Variants in CEP192 observed in about 807,000 individuals in gnomAD.
The protein encoded by CEP192 is centrosomal protein 192, also known as centrosomal protein of 192 kDa.
A neutral mutation model predicts 271.8 loss-of-function variants in CEP192; 151 were observed. The ratio of observed to expected loss-of-function variants is 0.56; its 90% confidence interval spans 0.49 to 0.64. The LOEUF is 0.64. CEP192 is among the 30% of genes least tolerant of loss of function. The pLI, the probability that CEP192 is intolerant of heterozygous loss-of-function variation, is 0.00. For missense variants in CEP192, 2,910 were observed against 3,020.5 expected, an observed-to-expected ratio of 0.96 and a Z score of 0.86; for synonymous variants, 995 against 1,076.5, an observed-to-expected ratio of 0.92 and a Z score of 1.48.
At chr18:13,110,938 G>C (rs2040181487) in intron 40 of CEP192, among the ~76,000 whole-genome samples, 1 of 152,206 alleles carries the variant, frequency 6.6e-6, no homozygotes, top group Non-Finnish European at 1.5e-5. Context: ...TCTTCCACCT[G>C]CCTCTTCTAG....
In CEP192 at chr18:13,029,696, C is replaced by T. The variant is rs569747649; in HGVS notation, c.1084C>T (p.Leu362Phe). The T allele has an allele frequency of 3.2e-6, 5 of 1,548,228 alleles. No individual in the cohort carries two copies. In the South Asian group the frequency reaches 3.6e-5, roughly 11 times the overall value. Residue 362 changes from leucine (L) to phenylalanine (F), a missense_variant, in exon 10 of 45, where the codon CTC (leucine) becomes TTC (phenylalanine). Coordinates refer to ENST00000506447, the MANE Select transcript of CEP192 (RefSeq NM_032142.4). ...CASKDVLVKT[L>F]RAIDVKLNSD... ...AAGTAAAGATGTTCTGGTGAAGACC[C>T]TCAGGGCTATTGATGTGAAACTTAA...
At chr18:13,035,416 A>C (rs916418422) in intron 11 of CEP192, among the ~76,000 whole-genome samples, 10 of 152,206 alleles carry the variant, frequency 6.6e-5, no homozygotes, top group African/African-American at 2.4e-4. Context: ...TGGCGGCAGC[A>C]AGAGAAAAAA....
chr18:13,116,532 GGAAAAAT>G (rs1279033523), intron 43 of CEP192, 29 bp downstream of exon 43: 1 of 1,561,058 alleles, frequency 6.4e-7, no homozygotes, highest in Non-Finnish European at 8.7e-7. Flanking sequence ...TATGGGTTTT[GGAAAAAT>G]ACATGCATTC....
intron 21 of CEP192, among the ~76,000 whole-genome samples, chr18:13,059,932 CTGCT>C (rs1258115973): frequency 1.3e-5 from 2 of 152,172 alleles, no homozygotes; most frequent in Non-Finnish European, 2.9e-5. Flanking sequence ...TTAACAACCA[CTGCT>C]TTACAAGAGC....
intron 9 of CEP192, among the ~76,000 whole-genome samples, chr18:13,025,949 C>G (rs1213634081): frequency 6.6e-6 from 1 of 152,156 alleles, no homozygotes; most frequent in Non-Finnish European, 1.5e-5. Context: ...CTTATTCTGT[C>G]TTTGATGCTC....
At chr18:13,041,668 G>A (rs576076059) in intron 14 of CEP192, among the ~76,000 whole-genome samples, 9 of 150,812 alleles carry the variant, frequency 6.0e-5, no homozygotes, top group African/African-American at 2.2e-4. Context: ...TGGGTCAAGC[G>A]ATTCTCCCAC....
chr18:13,098,340 G>C (rs1300507093), intron 36 of CEP192, among the ~76,000 whole-genome samples: 2 of 152,024 alleles, frequency 1.3e-5, no homozygotes, highest in Non-Finnish European at 2.9e-5. Flanking sequence ...CCTCCCTCCC[G>C]GACAGGGTGG....
chr18:13,103,578 C>G lies in CEP192; in HGVS notation c.6941C>G (p.Pro2314Arg). 6.2e-7 allele frequency: 1 copy of G among 1,612,840 alleles called. No individual in the cohort carries two copies. The highest frequency in any genetic ancestry group is 8.5e-7 in the Non-Finnish European group (1 of 1,178,878). Residue 2314 changes from proline to arginine, a missense_variant, in exon 39 of 45, where the codon CCT becomes CGT. Physicochemically the swap from Pro to Arg is moderately radical, Grantham distance 103. Coordinates refer to ENST00000506447, the MANE Select transcript of CEP192 (RefSeq NM_032142.4). Reference protein sequence around the residue: ...VKWHLSSLAPPYVKGVDESGD... With the variant: ...VKWHLSSLAPRYVKGVDESGD... ...TGGCATCTGTCATCTTTAGCGCCAC[C>G]TTATGTCAAGGTCAGTCATGACTGC...
chr18:13,101,438 T>C (rs2039700294), intron 38 of CEP192, among the ~76,000 whole-genome samples: 1 of 152,172 alleles, frequency 6.6e-6, no homozygotes, highest in Admixed American at 6.5e-5. Flanking sequence ...TGGTGATATA[T>C]GTACAGCAGT....
In CEP192 at chr18:13,056,519, T is replaced by C; in HGVS notation, c.3929T>C (p.Val1310Ala). ...AGEPVQNSVA[V>A]GICLGSNIGS... ...GAGCCTGTGCAGAACTCTGTGGCTG[T>C]GGGAATTTGTCTAGGATCAAATATC... Residue 1310 changes from valine to alanine, a missense_variant, in exon 19 of 45, where the codon GTG (valine) becomes GCG (alanine). Transcript: ENST00000506447. 2 of 1,614,148 alleles carry C rather than the reference T, an allele frequency of 1.2e-6. No homozygotes were observed. The highest frequency in any genetic ancestry group is 4.5e-5 in the East Asian group (2 of 44,870).
chr18:13,012,080 A>G (rs2034393394), intron 4 of CEP192, among the ~76,000 whole-genome samples: 1 of 152,228 alleles, frequency 6.6e-6, no homozygotes, highest in Non-Finnish European at 1.5e-5. Context: ...CTGTTTATCC[A>G]TAGGGAAATC....
At position 13,113,733 on chromosome 18, in the gene CEP192, T is replaced by G. The variant is rs1447442114; in HGVS notation, c.7167+28T>G. The G allele has an allele frequency of 3.2e-6, 5 of 1,564,300 alleles. No homozygotes were observed. In the African/African-American group the frequency reaches 4.1e-5, roughly 13 times the overall value. On this transcript the variant is annotated intron_variant, in intron 41 of 44. Transcript: ENST00000506447. ...GAGTAGTACACTGAATTTAAGTAAA[T>G]TATTGTATGTATTTTAAAAACAGAA...
chr18:13,016,252 T>C (rs979750471), intron 6 of CEP192, among the ~76,000 whole-genome samples: 1 of 151,918 alleles, frequency 6.6e-6, no homozygotes, highest in Non-Finnish European at 1.5e-5. Flanking sequence ...GCCTTAGATA[T>C]GGGAGGAGGA....
intron 30 of CEP192, among the ~76,000 whole-genome samples, chr18:13,078,397 G>A (rs545783607): frequency 6.6e-6 from 1 of 152,174 alleles, no homozygotes; most frequent in Non-Finnish European, 1.5e-5. Context: ...AAACATATGT[G>A]TGCATGTGTC....
At chr18:13,004,872 G>C (rs2033881961) in intron 3 of CEP192, among the ~76,000 whole-genome samples, 1 of 152,136 alleles carries the variant, frequency 6.6e-6, no homozygotes, top group African/African-American at 2.4e-5. Context: ...TTTATAAAGG[G>C]AGTGAGGGAC....
chr18:13,083,963 A>C (rs1368131674), intron 30 of CEP192, among the ~76,000 whole-genome samples: 2 of 152,086 alleles, frequency 1.3e-5, no homozygotes, highest in Non-Finnish European at 2.9e-5. Context: ...CAGAACGGCA[A>C]ATATTGCTGC....
intron 7 of CEP192, 90 bp from the exon 8 acceptor site, chr18:13,018,390 C>A: frequency 1.4e-6 from 1 of 736,098 alleles, no homozygotes; most frequent in South Asian, 2.7e-5. Context: ...CACTTATTTT[C>A]TGGCATCCTT....
intron 30 of CEP192, 129 bp downstream of exon 30, chr18:13,073,314 A>G (rs572195662): frequency 1.7e-5 from 14 of 813,332 alleles, no homozygotes; most frequent in African/African-American, 3.5e-5. Context: ...ACTTACAAAC[A>G]AGTTAGGGAG....
intron 3 of CEP192, among the ~76,000 whole-genome samples, chr18:13,006,086 CT>C (rs771023674): frequency 8.6e-5 from 13 of 152,018 alleles, no homozygotes; most frequent in Non-Finnish European, 1.2e-4. Flanking sequence ...GGTTTTTCTT[CT>C]AGTTTTTCCT....
Sources: allele counts gnomAD v4.1 joint callset (sites outside exome capture counted in the v4.1 genomes callset), GRCh38; gene constraint gnomAD v4.1.1; transcripts MANE v1.5; gene names NCBI Gene and HGNC (gene_info 2026-07-23, HGNC 2026-07-21).